The following COL26A1 variants were observed in gnomAD, a reference collection of about 807,000 sequenced individuals.
COL26A1 encodes the protein collagen alpha-1(XXVI) chain.
A neutral mutation model predicts 59.3 loss-of-function variants in COL26A1; 41 were observed. The ratio of observed to expected loss-of-function variants is 0.69; its 90% confidence interval spans 0.54 to 0.90. The LOEUF (loss-of-function observed/expected upper bound fraction) is 0.90. Among genes scored for constraint, COL26A1 ranks in the 40% least tolerant of loss-of-function variants. COL26A1 has a pLI of 0.00. For synonymous variants in COL26A1, 266 were observed against 256.0 expected, an observed-to-expected ratio of 1.04 and a Z score of -0.37; for missense variants, 612 against 602.3, an observed-to-expected ratio of 1.02 and a Z score of -0.17.
At chr7:101,519,512 A>G (rs1488914871) in intron 3 of COL26A1, among the ~76,000 whole-genome samples, 4 of 152,006 alleles carry the variant, frequency 2.6e-5, no homozygotes, top group Non-Finnish European at 5.9e-5. Flanking sequence ...GCTCCCTGCC[A>G]CTCTGCACAG....
chr7:101,430,836 C>T (rs1470505013), intron 2 of COL26A1, among the ~76,000 whole-genome samples: 1 of 151,938 alleles, frequency 6.6e-6, no homozygotes, highest in Admixed American at 6.6e-5. Flanking sequence ...GCTCTGTCAC[C>T]CAGGCTGGAG....
intron 3 of COL26A1, among the ~76,000 whole-genome samples, chr7:101,490,199 G>A (rs1444848700): frequency 6.6e-6 from 1 of 151,728 alleles, no homozygotes; most frequent in African/African-American, 2.4e-5. Flanking sequence ...GACTCCCAAA[G>A]TGCTGGAATT....
At chr7:101,416,321 G>A (rs1279063003) in intron 1 of COL26A1, among the ~76,000 whole-genome samples, 2 of 143,220 alleles carry the variant, frequency 1.4e-5, no homozygotes, top group Non-Finnish European at 3.2e-5. Flanking sequence ...GAGCCCAGGA[G>A]GTTGAGGCTG....
chr7:101,456,268 G>A (rs1020247601), intron 3 of COL26A1, among the ~76,000 whole-genome samples: 9 of 151,370 alleles, frequency 5.9e-5, no homozygotes, highest in Non-Finnish European at 1.2e-4. Context: ...CTGGGGTGCA[G>A]TGGTGTGATC....
At chr7:101,375,146 C>G (rs903070627) in intron 1 of COL26A1, among the ~76,000 whole-genome samples, 1 of 151,996 alleles carries the variant, frequency 6.6e-6, no homozygotes, top group African/African-American at 2.4e-5. Flanking sequence ...AGTCTGAGTC[C>G]AGGTTCTGTG....
intron 2 of COL26A1, among the ~76,000 whole-genome samples, chr7:101,421,814 C>A (rs985927774): frequency 1.3e-4 from 20 of 152,126 alleles, no homozygotes; most frequent in African/African-American, 4.6e-4. Context: ...ATACGAACAT[C>A]CTGTTTCTCA....
rs145109842 is a variant in COL26A1, at chr7:101,470,577, AAAT to A, written c.385+22794_385+22796del. ...ACTGTATCGCCGTTGCTCTCTGCCT[AAAT>A]AATCTCTTTCTATCTCCTGTATCAC... On this transcript the variant is annotated intron_variant, in intron 3 of 12. Coordinates refer to ENST00000313669, the MANE Select transcript of COL26A1 (RefSeq NM_001278563.3). Among the ~76,000 whole-genome samples the A allele has an allele frequency of 4.6e-3, 695 of 152,060 alleles. 4 individuals carry two copies. Among genetic ancestry groups the A allele is most frequent in the African/African-American group, 0.015 (628 of 41,454 alleles).
chr7:101,446,044 C>A (rs1319650665), intron 2 of COL26A1, among the ~76,000 whole-genome samples: 4 of 35,672 alleles, frequency 1.1e-4, no homozygotes, highest in African/African-American at 2.1e-4. Flanking sequence ...AAGACTCCGT[C>A]TCAAAAAAAA....
chr7:101,525,443 A>G (rs546742053), intron 3 of COL26A1, among the ~76,000 whole-genome samples: 4 of 148,296 alleles, frequency 2.7e-5, no homozygotes, highest in African/African-American at 9.9e-5. Context: ...AGCCTCCCAA[A>G]GTGCTGAGAT....
intron 11 of COL26A1, among the ~76,000 whole-genome samples, chr7:101,555,427 G>T (rs987214556): frequency 1.3e-5 from 2 of 152,146 alleles, no homozygotes; most frequent in East Asian, 3.9e-4. Context: ...CCTGGTTAGG[G>T]TATTTTCAGG....
chr7:101,529,838 T>C (rs922788367), intron 3 of COL26A1, among the ~76,000 whole-genome samples: 3 of 152,176 alleles, frequency 2.0e-5, no homozygotes, highest in African/African-American at 7.2e-5. Flanking sequence ...GGTGGACGCT[T>C]AGGTTCCATC....
At chr7:101,388,450 G>A (rs1232807677) in intron 1 of COL26A1, among the ~76,000 whole-genome samples, 2 of 151,408 alleles carry the variant, frequency 1.3e-5, no homozygotes, top group East Asian at 4.0e-4. Context: ...TTCAGCCTGG[G>A]CAACAAGAGC....
chr7:101,545,730 C>A (rs17135609), intron 7 of COL26A1, among the ~76,000 whole-genome samples: 1 of 152,146 alleles, frequency 6.6e-6, no homozygotes, highest in Non-Finnish European at 1.5e-5. Context: ...TAAGCATCCT[C>A]AAGTGGACCC....
At chr7:101,425,677 A>G (rs1488034435) in intron 2 of COL26A1, among the ~76,000 whole-genome samples, 1 of 150,386 alleles carries the variant, frequency 6.6e-6, no homozygotes. Context: ...TTTTTTCTGT[A>G]TATTTAGTGG....
At chr7:101,526,501 C>A (rs1024710078) in intron 3 of COL26A1, among the ~76,000 whole-genome samples, 6 of 152,204 alleles carry the variant, frequency 3.9e-5, no homozygotes, top group Admixed American at 3.9e-4. Context: ...CATCCATGTG[C>A]CTTGCCTCCC....
intron 1 of COL26A1, among the ~76,000 whole-genome samples, chr7:101,385,586 G>T (rs925371583): frequency 8.6e-5 from 13 of 151,940 alleles, no homozygotes; most frequent in Admixed American, 6.6e-4. Context: ...GGCCAGGCTG[G>T]TCTCGAACTC....
At chr7:101,484,507 A>AT (rs1230736556) in intron 3 of COL26A1, among the ~76,000 whole-genome samples, 4 of 151,656 alleles carry the variant, frequency 2.6e-5, no homozygotes, top group Admixed American at 1.3e-4. Context: ...AGTTGCTGGG[A>AT]TTACAGGTGC....
chr7:101,420,356 C>G (rs1250157503), intron 2 of COL26A1, among the ~76,000 whole-genome samples: 1 of 152,116 alleles, frequency 6.6e-6, no homozygotes, highest in Non-Finnish European at 1.5e-5. Flanking sequence ...CAGAAGACCA[C>G]CACAGATGAG....
chr7:101,406,114 T>A (rs6977536), intron 1 of COL26A1, among the ~76,000 whole-genome samples: 25,988 of 152,224 alleles, frequency 0.17, 2,757 homozygotes, highest in Non-Finnish European at 0.24. Context: ...GGAAACCATG[T>A]CATCGCCTTT....
Sources: gnomAD v4.1 joint callset for allele counts (sites outside exome capture counted in the v4.1 genomes callset) on GRCh38, gnomAD v4.1.1 for gene constraint, MANE v1.5 for transcripts, NCBI Gene and HGNC (gene_info 2026-07-23, HGNC 2026-07-21) for gene names.